INPP5F: variants seen among roughly 807,000 people sequenced by gnomAD.
INPP5F encodes inositol polyphosphate-5-phosphatase F, also known as phosphatidylinositide 4-phosphatase SAC2.
A neutral mutation model predicts 137.2 loss-of-function variants in INPP5F; 97 were observed. That is an observed-to-expected ratio of 0.71 (90% CI 0.60 to 0.84). The LOEUF is 0.84. Ranked by LOEUF, INPP5F falls within the 40% of genes least tolerant of loss-of-function variation. The probability of loss-of-function intolerance (pLI) is 0.00; values close to 1 mark genes in which losing one functional copy is unlikely to be tolerated. For synonymous variants in INPP5F, 504 were observed against 476.9 expected, an observed-to-expected ratio of 1.06 and a Z score of -0.74; for missense variants, 1,271 against 1,371.9, an observed-to-expected ratio of 0.93 and a Z score of 1.16.
chr10:119,810,525 A>C (rs1481456404), intron 14 of INPP5F, among the ~76,000 whole-genome samples: 1 of 152,192 alleles, frequency 6.6e-6, no homozygotes, highest in East Asian at 1.9e-4. Flanking sequence ...TCAACAATTA[A>C]AAACTTCATA....
intron 2 of INPP5F, among the ~76,000 whole-genome samples, chr10:119,767,293 T>G (rs567053278): frequency 6.3e-4 from 96 of 152,146 alleles, no homozygotes; most frequent in African/African-American, 2.1e-3. Context: ...TACACAACAA[T>G]AGTAGTAACA....
Position 119,827,718 on chromosome 10 carries a change from G to A in INPP5F, c.3337G>A (p.Val1113Ile). 1 of 1,613,758 alleles carries A rather than the reference G, an allele frequency of 6.2e-7. No individual in the cohort carries two copies. Among genetic ancestry groups the A allele is most frequent in the Non-Finnish European group, 8.5e-7 (1 of 1,179,772 alleles). ...SPPEPEIINQ[V>I]QQNELKKMFI... ...TCCAGAACCTGAAATCATTAATCAA[G>A]TCCAGCAAAATGAACTTAAAAAGAT... Residue 1113 changes from valine (V) to isoleucine (I), a missense_variant, in exon 20 of 20, where the codon GTC (valine) becomes ATC (isoleucine). Val to Ile is a conservative substitution (Grantham distance 29, BLOSUM62 3). Around this residue, in one of 6 missense-constraint regions of INPP5F, gnomAD observed 490 missense variants for 443.7 expected, o/e 1.10. Transcript: ENST00000650623.
chr10:119,781,309 G>A (rs373826496), intron 2 of INPP5F, among the ~76,000 whole-genome samples: 7 of 152,240 alleles, frequency 4.6e-5, no homozygotes, highest in African/African-American at 1.7e-4. Context: ...GTTTGTCATC[G>A]GTATTCTCAC....
At position 119,827,281 on chromosome 10, in the gene INPP5F, C is replaced by A. The variant is rs757066481; in HGVS notation, c.2900C>A (p.Ala967Glu). 31 of 1,614,006 alleles carry A rather than the reference C, an allele frequency of 1.9e-5. No individual in the cohort carries two copies. In the Admixed American group the frequency reaches 4.3e-4, roughly 23 times the overall value. ...DIYCHRFVQDAQNKVTHLSET... is the reference protein window; with the variant it reads ...DIYCHRFVQDEQNKVTHLSET... Reference sequence around the variant, plus strand: ...TACTGCCACAGATTTGTGCAAGATGCACAGAACAAAGTGACCCACCTATCA... The same window carrying A: ...TACTGCCACAGATTTGTGCAAGATGAACAGAACAAAGTGACCCACCTATCA... Residue 967 changes from alanine to glutamate, a missense_variant, in exon 20 of 20, where the codon GCA (alanine) becomes GAA (glutamate). This residue lies in a region of INPP5F where 490 missense variants were observed against 443.7 expected (regional missense o/e 1.10). Transcript: ENST00000650623.
intron 9 of INPP5F, among the ~76,000 whole-genome samples, chr10:119,799,594 C>T (rs756458107): frequency 3.9e-5 from 6 of 151,908 alleles, no homozygotes; most frequent in South Asian, 2.1e-4. Context: ...TTAAAAGGGG[C>T]GAGTATTTAG....
chr10:119,747,734 C>T (rs1014597003), intron 1 of INPP5F, among the ~76,000 whole-genome samples: 1 of 152,126 alleles, frequency 6.6e-6, no homozygotes, highest in African/African-American at 2.4e-5. Flanking sequence ...TCATTTATCA[C>T]AGTGTTTTTT....
At chr10:119,776,405 C>T (rs1158369347) in intron 2 of INPP5F, among the ~76,000 whole-genome samples, 1 of 150,660 alleles carries the variant, frequency 6.6e-6, no homozygotes, top group East Asian at 1.9e-4. Flanking sequence ...TTGGCAATAC[C>T]ATGTTTTTGT....
chr10:119,764,550 G>A (rs1445585130), intron 2 of INPP5F, among the ~76,000 whole-genome samples: 1 of 151,344 alleles, frequency 6.6e-6, no homozygotes, highest in Non-Finnish European at 1.5e-5. Context: ...CACTTAATGA[G>A]TAGTAAATAC....
intron 2 of INPP5F, among the ~76,000 whole-genome samples, chr10:119,756,401 C>T (rs971496387): frequency 3.3e-5 from 5 of 151,956 alleles, no homozygotes; most frequent in African/African-American, 7.2e-5. Flanking sequence ...TTTGGGAGGT[C>T]GAGGCGGGTG....
chr10:119,796,722 A>G lies in INPP5F; in HGVS notation c.677A>G (p.Asp226Gly). 1 of 1,613,542 alleles carries G rather than the reference A, an allele frequency of 6.2e-7. No homozygotes were observed. Among genetic ancestry groups the G allele is most frequent in the Non-Finnish European group, 8.5e-7 (1 of 1,179,406 alleles). The part of the protein sequence containing the change: ...IQDLTEIGTP[D>G]VDFWIIPMIQ... ...TGTTCATTTTGTTTTCAGACTCCAG[A>G]TGTGGACTTTTGGATTATCCCCATG... Residue 226 changes from aspartate (D) to glycine (G), a missense_variant, in exon 7 of 20, where the codon GAT becomes GGT. Asp to Gly is a moderately conservative substitution (Grantham distance 94). Coordinates refer to ENST00000650623, the MANE Select transcript of INPP5F (RefSeq NM_014937.4).
At chr10:119,795,250 G>C (rs939359070) in intron 6 of INPP5F, among the ~76,000 whole-genome samples, 1 of 150,828 alleles carries the variant, frequency 6.6e-6, no homozygotes, top group Admixed American at 6.6e-5. Context: ...CTGGCCGGGC[G>C]GGGGGCTGAC....
chr10:119,827,730 G>C lies in INPP5F; in HGVS notation c.3349G>C (p.Glu1117Gln). 3 of 1,613,406 alleles carry C rather than the reference G, an allele frequency of 1.9e-6. No homozygotes were observed. Among genetic ancestry groups the C allele is most frequent in the Non-Finnish European group, 2.5e-6 (3 of 1,179,678 alleles). Residue 1117 changes from glutamate to glutamine, a missense_variant, in exon 20 of 20, where the codon GAA becomes CAA. Glu to Gln is a conservative substitution (Grantham distance 29, BLOSUM62 2). Around this residue, in one of 6 missense-constraint regions of INPP5F, gnomAD observed 490 missense variants for 443.7 expected, o/e 1.10. Coordinates refer to ENST00000650623, the MANE Select transcript of INPP5F (RefSeq NM_014937.4). Reference sequence around the variant, plus strand: ...AATCATTAATCAAGTCCAGCAAAATGAACTTAAAAAGATGTTTATACAATG... The same window carrying C: ...AATCATTAATCAAGTCCAGCAAAATCAACTTAAAAAGATGTTTATACAATG... Reference protein sequence around the residue: ...PEIINQVQQNELKKMFIQCQT... With the variant: ...PEIINQVQQNQLKKMFIQCQT...
At chr10:119,789,524 G>A (rs1850058685) in intron 3 of INPP5F, among the ~76,000 whole-genome samples, 1 of 151,984 alleles carries the variant, frequency 6.6e-6, no homozygotes, top group Non-Finnish European at 1.5e-5. Context: ...TGGGAGAAGG[G>A]GAGTGATGGT....
chr10:119,749,956 G>C (rs937214597), intron 1 of INPP5F, among the ~76,000 whole-genome samples: 1 of 152,014 alleles, frequency 6.6e-6, no homozygotes, highest in Non-Finnish European at 1.5e-5. Context: ...TTTTTGTAGA[G>C]ATGAGGTTTC....
chr10:119,794,722 G>A (rs1166001416), intron 6 of INPP5F, among the ~76,000 whole-genome samples: 9 of 142,018 alleles, frequency 6.3e-5, no homozygotes, highest in African/African-American at 1.6e-4. Context: ...CCTCCCGGAC[G>A]GGGCGGCTGG....
chr10:119,817,767 A>G (rs1851335878), intron 15 of INPP5F, among the ~76,000 whole-genome samples: 2 of 152,228 alleles, frequency 1.3e-5, no homozygotes, highest in Admixed American at 6.5e-5. Flanking sequence ...ATGCAACTAC[A>G]GGGATGTATT....
rs751833544 is a variant in INPP5F at position 119,827,068 on chromosome 10, C to T, written c.2687C>T (p.Ala896Val). 3 of 1,614,102 alleles carry T rather than the reference C, an allele frequency of 1.9e-6. No homozygotes were observed. The highest frequency in any genetic ancestry group is 2.2e-5 in the South Asian group (2 of 91,084). Reference sequence around the variant, plus strand: ...GTTCTTCCTAGTTGTGGTATTATTGCCTCAGCGCCTCGATTGGGCAGTCGG... The same window carrying T: ...GTTCTTCCTAGTTGTGGTATTATTGTCTCAGCGCCTCGATTGGGCAGTCGG... ...DYVLPSCGII[A>V]SAPRLGSRSQ... is the part of the protein sequence containing the mutation. The change falls in exon 20 of 20, where the codon GCC becomes GTC. Residue 896 changes from alanine (A) to valine (V), a missense_variant. Around this residue, in one of 6 missense-constraint regions of INPP5F, gnomAD observed 490 missense variants for 443.7 expected, o/e 1.10. Transcript: ENST00000650623.
intron 15 of INPP5F, chr10:119,819,085 A>G (rs1271871795): frequency 6.5e-6 from 1 of 153,998 alleles, no homozygotes; most frequent in Non-Finnish European, 1.4e-5. Flanking sequence ...TCGTCTTCAT[A>G]GTGTGGAAGG....
chr10:119,791,799 G>C (rs61867934), intron 4 of INPP5F, 70 bp from the exon 5 acceptor site: 29,140 of 1,396,020 alleles, frequency 0.021, 429 homozygotes, highest in Middle Eastern at 0.047. Flanking sequence ...TCTGTCTTAG[G>C]AATTTATGTG....
Sources: gnomAD v4.1 joint callset for allele counts (sites outside exome capture counted in the v4.1 genomes callset) on GRCh38, gnomAD v4.1.1 for gene constraint, gnomAD v4.1.1 regional missense constraint, MANE v1.5 for transcripts, NCBI Gene and HGNC (gene_info 2026-07-23, HGNC 2026-07-21) for gene names.